QTMAN: variants seen among roughly 807,000 people sequenced by gnomAD.
QTMAN encodes queuosine-tRNA mannosyltransferase.
the QTMAN span, among the ~76,000 whole-genome samples, chr2:144,109,693 A>G: frequency 1.3e-5 from 2 of 152,022 alleles, no homozygotes; most frequent in African/African-American, 2.4e-5. Context: ...TCAAATTTAC[A>G]AGAAAAAAAA....
the QTMAN span, among the ~76,000 whole-genome samples, chr2:144,248,099 G>C: frequency 6.6e-6 from 1 of 152,184 alleles, no homozygotes; most frequent in Non-Finnish European, 1.5e-5. Flanking sequence ...TCATGTTCAT[G>C]AAGATGTTTC....
chr2:144,024,805 AT>A, the QTMAN span, among the ~76,000 whole-genome samples: 86 of 152,112 alleles, frequency 5.7e-4, no homozygotes, highest in African/African-American at 1.8e-3. Flanking sequence ...CTTTGATATA[AT>A]TTTTTTTCAT....
the QTMAN span, chr2:144,295,174 C>T: frequency 6.6e-6 from 1 of 152,220 alleles, no homozygotes; most frequent in African/African-American, 2.4e-5. Flanking sequence ...TCTCAATGCG[C>T]CCTGTTGCAT....
chr2:144,101,692 A>AAT, the QTMAN span, among the ~76,000 whole-genome samples: 1 of 151,960 alleles, frequency 6.6e-6, no homozygotes, highest in African/African-American at 2.4e-5. Flanking sequence ...CATATAAATA[A>AAT]ATATATATAA....
At chr2:144,298,310 G>A in the QTMAN span, among the ~76,000 whole-genome samples, 2 of 152,106 alleles carry the variant, frequency 1.3e-5, no homozygotes, top group East Asian at 1.9e-4. Context: ...GAGCCACCGC[G>A]CCCAGAGAGA....
the QTMAN span, among the ~76,000 whole-genome samples, chr2:144,051,740 T>G: frequency 6.6e-6 from 1 of 152,066 alleles, no homozygotes; most frequent in Admixed American, 6.6e-5. Context: ...CACTGTGAGC[T>G]GAAATGGCTG....
the QTMAN span, among the ~76,000 whole-genome samples, chr2:144,187,038 T>C: frequency 1.3e-5 from 2 of 152,146 alleles, no homozygotes; most frequent in Non-Finnish European, 2.9e-5. Context: ...AAAAACAAAG[T>C]GACATCACAG....
chr2:143,957,303 G>A, the QTMAN span: 1 of 1,606,872 alleles, frequency 6.2e-7, no homozygotes, highest in Non-Finnish European at 8.5e-7. Flanking sequence ...GTGTAAGACA[G>A]AAGATCCCAA....
the QTMAN span, among the ~76,000 whole-genome samples, chr2:143,963,523 T>G: frequency 3.9e-5 from 6 of 152,006 alleles, no homozygotes; most frequent in Admixed American, 3.3e-4. Flanking sequence ...TATGGTACTC[T>G]TTGAAAAGTT....
chr2:144,163,365 A>C, the QTMAN span, among the ~76,000 whole-genome samples: 1 of 152,182 alleles, frequency 6.6e-6, no homozygotes, highest in Non-Finnish European at 1.5e-5. Context: ...TATTTGATTT[A>C]AAGTAATTTC....
At chr2:144,124,112 T>G in the QTMAN span, among the ~76,000 whole-genome samples, 5 of 152,138 alleles carry the variant, frequency 3.3e-5, no homozygotes, top group African/African-American at 9.7e-5. Flanking sequence ...ATCCACACCC[T>G]AGACTGCTAG....
chr2:144,317,384 T>TGGATGGAAGGAA, the QTMAN span: 3 of 97,356 alleles, frequency 3.1e-5, no homozygotes, highest in Admixed American at 3.6e-4. Context: ...GAAGGAAGGA[T>TGGATGGAAGGAA]GGAAGGAAGG....
chr2:143,990,811 C>G, the QTMAN span, among the ~76,000 whole-genome samples: 1 of 152,064 alleles, frequency 6.6e-6, no homozygotes. Flanking sequence ...ACCCACAAAG[C>G]TCTCGAATAC....
At chr2:144,041,524 A>T in the QTMAN span, among the ~76,000 whole-genome samples, 1 of 152,226 alleles carries the variant, frequency 6.6e-6, no homozygotes, top group African/African-American at 2.4e-5. Flanking sequence ...ATGTCCTAAT[A>T]GAAAATAATT....
At chr2:143,957,334 A>C in the QTMAN span, 1 of 1,581,688 alleles carries the variant, frequency 6.3e-7, no homozygotes, top group African/African-American at 1.4e-5. Context: ...GCCTCTGAAA[A>C]AATATCTTTT....
At chr2:144,322,469 T>C in the QTMAN span, among the ~76,000 whole-genome samples, 4 of 152,192 alleles carry the variant, frequency 2.6e-5, no homozygotes, top group Non-Finnish European at 4.4e-5. Context: ...AAAAGCTTTG[T>C]GTGAAAATTA....
chr2:144,045,059 C>T, the QTMAN span, among the ~76,000 whole-genome samples: 1 of 152,192 alleles, frequency 6.6e-6, no homozygotes, highest in African/African-American at 2.4e-5. Flanking sequence ...TACTCAAATA[C>T]TTGAACATAT....
the QTMAN span, among the ~76,000 whole-genome samples, chr2:144,316,327 C>T: frequency 6.6e-6 from 1 of 151,992 alleles, no homozygotes; most frequent in South Asian, 2.1e-4. Flanking sequence ...CTGCATATAT[C>T]TGCTTGTAAA....
At chr2:144,172,494 C>A in the QTMAN span, among the ~76,000 whole-genome samples, 1 of 151,622 alleles carries the variant, frequency 6.6e-6, no homozygotes, top group Non-Finnish European at 1.5e-5. Context: ...CATAGTGGCA[C>A]ACACCTATTA....
Sources: allele counts gnomAD v4.1 joint callset (sites outside exome capture counted in the v4.1 genomes callset), GRCh38; gene constraint gnomAD v4.1.1; transcripts MANE v1.5; gene names NCBI Gene and HGNC (gene_info 2026-07-23, HGNC 2026-07-21).